The following UGT1A7 variants were observed in gnomAD, a reference collection of about 807,000 sequenced individuals.
The protein encoded by UGT1A7 is UDP-glucuronosyltransferase 1A7.
In UGT1A7, 33 loss-of-function variants were observed where a neutral mutation model predicts 45.6. The observed-to-expected ratio is 0.72, with a 90% confidence interval of 0.55 to 0.97. The LOEUF is 0.97. Among genes scored for constraint, UGT1A7 ranks in the 50% least tolerant of loss-of-function variants. The pLI, the probability that UGT1A7 is intolerant of heterozygous loss-of-function variation, is 0.00. For missense variants in UGT1A7, 684 were observed against 666.2 expected (o/e 1.03, Z -0.29); for synonymous variants, 274 against 250.6 (o/e 1.09, Z -0.88).
In UGT1A7 at chr2:233,769,317, C is replaced by T. The variant is rs1699835455; in HGVS notation, c.1295+878C>T. On this transcript the variant is annotated intron_variant, in intron 4 of 4. Transcript: ENST00000373426. The surrounding 1 kb of genome is among the most constrained non-coding windows in gnomAD (Gnocchi z 4.4). ...AGTTAGTATATTACTGTCAAGCTCA[C>T]TGGTAATAGGCTTATTAGAACCTTA... is the stretch of plus-strand genomic sequence containing the variant. Among the ~76,000 whole-genome samples, 1 of 152,214 alleles carries T rather than the reference C, an allele frequency of 6.6e-6. No individual in the cohort carries two copies. The highest frequency in any genetic ancestry group is 1.5e-5 in the Non-Finnish European group (1 of 68,028).
intron 4 of UGT1A7, chr2:233,771,640 G>C (rs183876140): frequency 4.5e-4 from 68 of 152,464 alleles, no homozygotes; most frequent in African/African-American, 1.6e-3. Context: ...TTATTTTACT[G>C]TATGAAAATA....
At chr2:233,754,415 G>A (rs1208600112) in intron 1 of UGT1A7, 1 of 341,654 alleles carries the variant, frequency 2.9e-6, no homozygotes, top group Non-Finnish European at 5.7e-6. Context: ...CAACAATAAA[G>A]ACAGGCATTG....
chr2:233,687,837 G>C (rs533739088), intron 1 of UGT1A7, among the ~76,000 whole-genome samples: 2 of 152,160 alleles, frequency 1.3e-5, no homozygotes, highest in Non-Finnish European at 2.9e-5. Context: ...AAACCCAGGA[G>C]GTTAAGGCTG....
intron 1 of UGT1A7, chr2:233,743,584 G>A: frequency 7.3e-7 from 1 of 1,367,326 alleles, no homozygotes; most frequent in Non-Finnish European, 9.8e-7. Flanking sequence ...AGAGGTCAAA[G>A]GAGAATGGGT....
intron 1 of UGT1A7, among the ~76,000 whole-genome samples, chr2:233,749,903 C>T (rs1384807685): frequency 6.6e-6 from 1 of 151,914 alleles, no homozygotes; most frequent in Non-Finnish European, 1.5e-5. Flanking sequence ...CCTCCAGCCA[C>T]CTGGAACTGT....
chr2:233,727,891 C>T (rs1001940161), intron 1 of UGT1A7, among the ~76,000 whole-genome samples: 27 of 152,186 alleles, frequency 1.8e-4, no homozygotes, highest in East Asian at 1.7e-3. Flanking sequence ...ATGGCAGACA[C>T]GGCCAGGCAA....
chr2:233,743,808 C>T (rs2125856217), intron 1 of UGT1A7: 1 of 1,367,328 alleles, frequency 7.3e-7, no homozygotes, highest in South Asian at 1.1e-5. Flanking sequence ...TCCTTGTTCT[C>T]AGGGTTTTTG....
chr2:233,714,950 C>T (rs2076424956), intron 1 of UGT1A7, among the ~76,000 whole-genome samples: 1 of 152,298 alleles, frequency 6.6e-6, no homozygotes, highest in South Asian at 2.1e-4. Context: ...GATCTTGGCT[C>T]ATTGCAACCT....
intron 1 of UGT1A7, chr2:233,729,803 C>G (rs771141060): frequency 8.1e-6 from 13 of 1,613,810 alleles, no homozygotes; most frequent in Admixed American, 3.3e-5. Context: ...ATTTGCCATG[C>G]TTTTTCTGCT....
At chr2:233,685,220 A>G (rs1254045639) in intron 1 of UGT1A7, among the ~76,000 whole-genome samples, 1 of 152,114 alleles carries the variant, frequency 6.6e-6, no homozygotes, top group Non-Finnish European at 1.5e-5. Flanking sequence ...TTTAATAGAG[A>G]CGGGGTTTCA....
intron 1 of UGT1A7, among the ~76,000 whole-genome samples, chr2:233,684,889 G>C (rs2074708348): frequency 6.6e-6 from 1 of 152,130 alleles, no homozygotes; most frequent in Non-Finnish European, 1.5e-5. Flanking sequence ...GTGTGTCTTG[G>C]AAAAGTATAC....
Position 233,682,443 on chromosome 2 carries a change from C to T in UGT1A7, c.506C>T (p.Ala169Val), listed in dbSNP as rs1480330917. 6.2e-7 allele frequency: 1 copy of T among 1,613,772 alleles called. No individual in the cohort carries two copies. Among genetic ancestry groups the T allele is most frequent in the African/African-American group, 1.3e-5 (1 of 74,876 alleles). Residue 169 changes from alanine (A) to valine (V), a missense_variant, in exon 1 of 5, where the codon GCC (alanine) becomes GTC (valine). Physicochemically the swap from Ala to Val is moderately conservative, Grantham distance 64. Coordinates refer to ENST00000373426, the MANE Select transcript of UGT1A7 (RefSeq NM_019077.3). ...KYFSLPSVVF[A>V]RGIFCHYLEE... ...TTCTCCCTCCCCTCTGTGGTCTTCG[C>T]CAGGGGAATATTTTGCCACTATCTT...
chr2:233,682,054 CA>C lies in UGT1A7; in HGVS notation c.118del (p.Thr40ProfsTer18). On this transcript the variant is annotated frameshift_variant, in exon 1 of 5. Transcript: ENST00000373426. LOFTEE classifies it high-confidence loss of function. ...TGCCCATGGATGGGAGCCACTGGTT[CA>C]CCATGCAGTCGGTGGTGGAGAAACT... Reference protein sequence around the residue: ...VVPMDGSHWFTMQSVVEKLIL... With the variant: ...VVPMDGSHWFXMQSVVEKLIL... 1.9e-6 allele frequency: 3 copies of C among 1,614,100 alleles called. No homozygotes were observed. Among genetic ancestry groups the C allele is most frequent in the Non-Finnish European group, 2.5e-6 (3 of 1,180,026 alleles).
At chr2:233,736,335 T>G (rs1256501308) in intron 1 of UGT1A7, among the ~76,000 whole-genome samples, 1 of 152,262 alleles carries the variant, frequency 6.6e-6, no homozygotes, top group Non-Finnish European at 1.5e-5. Context: ...GTTATGAAGT[T>G]CTTGTGCCAT....
intron 1 of UGT1A7, among the ~76,000 whole-genome samples, chr2:233,739,443 A>C (rs965423718): frequency 3.9e-5 from 6 of 152,204 alleles, no homozygotes; most frequent in African/African-American, 7.2e-5. Flanking sequence ...TACCCTGCAA[A>C]GCCACAGGGT....
At chr2:233,707,539 T>G (rs1401176001) in intron 1 of UGT1A7, among the ~76,000 whole-genome samples, 11 of 137,828 alleles carry the variant, frequency 8.0e-5, no homozygotes, top group Non-Finnish European at 1.6e-5. Context: ...TTGTCTTGCC[T>G]TTTTTTTTTT....
chr2:233,740,927 G>A (rs1691506566), intron 1 of UGT1A7: 1 of 150,310 alleles, frequency 6.7e-6, no homozygotes, highest in African/African-American at 2.5e-5. Flanking sequence ...TCCACAAAAA[G>A]TTTTTTTTTT....
Position 233,682,681 on chromosome 2 carries a change from A to T in UGT1A7, c.744A>T (p.Thr248=). Residue 248 remains threonine (T), a synonymous_variant, in exon 1 of 5, where the codon ACA becomes ACT. Coordinates refer to ENST00000373426, the MANE Select transcript of UGT1A7 (RefSeq NM_019077.3). ...CGGCATATGATCTCTACAGCCACAC[A>T]TCAATTTGGTTGTTGCGAACTGACT... ...PVTAYDLYSH[T]SIWLLRTDFV... is the part of the protein sequence containing the mutation. The T allele has an allele frequency of 1.9e-6, 3 of 1,613,858 alleles. No homozygotes were observed. Among genetic ancestry groups the T allele is most frequent in the Non-Finnish European group, 2.5e-6 (3 of 1,179,800 alleles).
At chr2:233,738,975 T>A (rs1575626869) in intron 1 of UGT1A7, 1 of 152,266 alleles carries the variant, frequency 6.6e-6, no homozygotes, top group South Asian at 2.1e-4. Flanking sequence ...CACTGCTGTG[T>A]GCAGCCTCAG....
Sources: gnomAD v4.1 joint callset for allele counts (sites outside exome capture counted in the v4.1 genomes callset) on GRCh38, gnomAD v4.1.1 for gene constraint, Gnocchi (gnomAD v3.1) non-coding constraint, MANE v1.5 for transcripts, NCBI Gene and HGNC (gene_info 2026-07-23, HGNC 2026-07-21) for gene names.